The following EEF1AKMT1 variants were observed in gnomAD, a reference collection of about 807,000 sequenced individuals.
EEF1AKMT1 encodes N-6 adenine-specific DNA methyltransferase 2 (putative).
EEF1AKMT1 carries 18 observed loss-of-function variants against 21.0 expected under a neutral mutation model. That is an observed-to-expected ratio of 0.86 (90% CI 0.59 to 1.27). EEF1AKMT1 has a LOEUF of 1.27. Among genes scored for constraint, EEF1AKMT1 ranks in the 50% most tolerant of loss-of-function variants. EEF1AKMT1 has a pLI of 0.00. For synonymous variants in EEF1AKMT1, 109 were observed against 94.8 expected, an observed-to-expected ratio of 1.15 and a Z score of -0.87; for missense variants, 246 against 258.6, an observed-to-expected ratio of 0.95 and a Z score of 0.33.
At chr13:20,735,961 T>C (rs182945416) in intron 3 of EEF1AKMT1, among the ~76,000 whole-genome samples, 296 of 150,790 alleles carry the variant, frequency 2.0e-3, no homozygotes, top group African/African-American at 6.4e-3. Context: ...AAGTAGACAA[T>C]GAATAGAAAA....
chr13:20,745,357 T>C (rs1479015430), intron 2 of EEF1AKMT1, among the ~76,000 whole-genome samples: 1 of 152,218 alleles, frequency 6.6e-6, no homozygotes, highest in Non-Finnish European at 1.5e-5. Flanking sequence ...TCTTATTTCC[T>C]TGAGCAGTAG....
intron 1 of EEF1AKMT1, among the ~76,000 whole-genome samples, chr13:20,770,932 T>G (rs1237254171): frequency 6.6e-6 from 1 of 151,670 alleles, no homozygotes; most frequent in Non-Finnish European, 1.5e-5. Flanking sequence ...CAGGCTGGAG[T>G]GCAGTGGTGC....
At chr13:20,765,260 G>GAAAAT (rs1190876316) in intron 1 of EEF1AKMT1, among the ~76,000 whole-genome samples, 8 of 151,864 alleles carry the variant, frequency 5.3e-5, no homozygotes, top group Admixed American at 3.3e-4. Flanking sequence ...ACTCCAACTC[G>GAAAAT]AAAATAAAAT....
intron 2 of EEF1AKMT1, among the ~76,000 whole-genome samples, chr13:20,740,250 C>T (rs1219790361): frequency 6.6e-6 from 1 of 152,228 alleles, no homozygotes; most frequent in Non-Finnish European, 1.5e-5. Context: ...CCCGCACCCA[C>T]CTGGAACTCG....
intron 1 of EEF1AKMT1, among the ~76,000 whole-genome samples, chr13:20,768,041 A>G (rs1256457511): frequency 1.3e-5 from 2 of 152,236 alleles, no homozygotes; most frequent in Admixed American, 1.3e-4. Context: ...TTTTGAAAGT[A>G]CAGGATATAA....
chr13:20,753,782 A>G (rs1024869344), intron 2 of EEF1AKMT1, among the ~76,000 whole-genome samples: 14 of 151,532 alleles, frequency 9.2e-5, no homozygotes, highest in Admixed American at 3.3e-4. Flanking sequence ...TTTTTTTTCC[A>G]TCCCTTTACT....
At chr13:20,764,376 A>C (rs543756712) in intron 1 of EEF1AKMT1, among the ~76,000 whole-genome samples, 190 of 152,316 alleles carry the variant, frequency 1.2e-3, no homozygotes, top group African/African-American at 4.4e-3. Context: ...AGCATGTATA[A>C]TTTCAACACT....
intron 2 of EEF1AKMT1, chr13:20,746,993 C>T (rs949099777): frequency 1.3e-5 from 2 of 152,890 alleles, no homozygotes; most frequent in East Asian, 1.9e-4. Context: ...ACACGTTCCA[C>T]TTACCTACAT....
At chr13:20,748,849 G>C (rs2596147) in intron 2 of EEF1AKMT1, among the ~76,000 whole-genome samples, 56,706 of 148,826 alleles carry the variant, frequency 0.38, 11,748 homozygotes, top group East Asian at 0.76. Flanking sequence ...CCCACCTCAG[G>C]CTCCCAAGTA....
At chr13:20,760,378 T>C (rs540342611) in intron 1 of EEF1AKMT1, among the ~76,000 whole-genome samples, 13 of 152,306 alleles carry the variant, frequency 8.5e-5, no homozygotes, top group African/African-American at 3.1e-4. Flanking sequence ...TGAAATCATG[T>C]CCTTTGCAGC....
intron 1 of EEF1AKMT1, among the ~76,000 whole-genome samples, chr13:20,764,918 C>CA (rs55773311): frequency 6.1e-5 from 9 of 146,714 alleles, no homozygotes; most frequent in Non-Finnish European, 1.1e-4. Flanking sequence ...CACACACACA[C>CA]CCTAATTTTG....
chr13:20,772,077 T>A (rs1344676306), intron 1 of EEF1AKMT1, among the ~76,000 whole-genome samples: 1 of 152,100 alleles, frequency 6.6e-6, no homozygotes. Context: ...TTTTATCATA[T>A]CTTTATTGTT....
intron 2 of EEF1AKMT1, among the ~76,000 whole-genome samples, chr13:20,738,895 T>G (rs1054688878): frequency 1.3e-5 from 2 of 149,386 alleles, no homozygotes; most frequent in South Asian, 4.1e-4. Context: ...GTTCTAAAAT[T>G]GACTGTGGTG....
chr13:20,737,647 T>C, intron 3 of EEF1AKMT1, 76 bp downstream of exon 3: 1 of 1,252,450 alleles, frequency 8.0e-7, no homozygotes. Flanking sequence ...TCAGACTTCT[T>C]ACAAACCATC....
chr13:20,750,784 A>C (rs1179386146), intron 2 of EEF1AKMT1, among the ~76,000 whole-genome samples: 1 of 152,206 alleles, frequency 6.6e-6, no homozygotes, highest in Non-Finnish European at 1.5e-5. Flanking sequence ...CAGTAGCTAT[A>C]GTAATTTACA....
chr13:20,731,737 C>T, intron 4 of EEF1AKMT1, 104 bp downstream of exon 4: 3 of 1,189,156 alleles, frequency 2.5e-6, no homozygotes, highest in Non-Finnish European at 3.6e-6. Flanking sequence ...ATAACTTGTT[C>T]ACAAGTCACA....
At chr13:20,746,550 G>T (rs1329984434) in intron 2 of EEF1AKMT1, among the ~76,000 whole-genome samples, 1 of 152,174 alleles carries the variant, frequency 6.6e-6, no homozygotes, top group African/African-American at 2.4e-5. Context: ...AGAATGGAAG[G>T]GCTTTGAGTT....
intron 2 of EEF1AKMT1, among the ~76,000 whole-genome samples, chr13:20,742,532 C>G (rs1409470548): frequency 6.6e-6 from 1 of 152,158 alleles, no homozygotes; most frequent in Admixed American, 6.5e-5. Context: ...ACAGATAAAA[C>G]AAGAACACTG....
chr13:20,762,343 C>T (rs564995395), intron 1 of EEF1AKMT1, among the ~76,000 whole-genome samples: 43 of 151,888 alleles, frequency 2.8e-4, no homozygotes, highest in East Asian at 9.7e-4. Context: ...CCTGCCACCA[C>T]GCCCAGCTAA....
Sources: allele counts gnomAD v4.1 joint callset (sites outside exome capture counted in the v4.1 genomes callset), GRCh38; gene constraint gnomAD v4.1.1; transcripts MANE v1.5; gene names NCBI Gene and HGNC (gene_info 2026-07-23, HGNC 2026-07-21).